The following ASTN1 variants were observed in gnomAD, a reference collection of about 807,000 sequenced individuals.
ASTN1 encodes the protein astrotactin 1, also known as astrotactin-1.
A neutral mutation model predicts 140.7 loss-of-function variants in ASTN1; 41 were observed. The ratio of observed to expected loss-of-function variants is 0.29; its 90% CI spans 0.23 to 0.38. The LOEUF is 0.38. Among genes scored for constraint, ASTN1 ranks in the 10% least tolerant of loss-of-function variants. ASTN1 has a pLI of 1.00. For synonymous variants in ASTN1, 640 were observed against 652.2 expected (o/e 0.98, Z 0.29); for missense variants, 1,479 against 1,678.8 (o/e 0.88, Z 2.08).
chr1:177,075,605 TTTTCTTTC>T lies in ASTN1; in HGVS notation c.284-14348_284-14341del, dbSNP rs202178811. Among the ~76,000 whole-genome samples the T allele has an allele frequency of 6.3e-4, 95 of 151,344 alleles. No homozygotes were observed. The South Asian group carries it at 0.011, about 18-fold the overall frequency. ...TGCTTTTCTTTTTCTGAGCAACATT[TTTTCTTTC>T]TTTCTTTCTTTCTTTTCTTTTCTTT... On this transcript the variant is annotated intron_variant, in intron 1 of 22. Coordinates refer to ENST00000361833, the MANE Select transcript of ASTN1 (RefSeq NM_004319.3).
chr1:176,905,758 C>G lies in ASTN1; in HGVS notation c.2672-10928G>C, dbSNP rs143729631. Among the ~76,000 whole-genome samples the G allele has an allele frequency of 9.9e-5, 15 of 152,254 alleles. No individual in the cohort carries two copies. The East Asian group carries it at 2.7e-3, about 27-fold the overall frequency. On this transcript the variant is annotated intron_variant, in intron 16 of 22. Transcript: ENST00000361833. The stretch of plus-strand genomic sequence containing the variant: ...AGTGGATCAGGCTCTTTTCACCTCT[C>G]GGTGACCTGTGCCCTCTGTTTTAAA...
chr1:177,098,007 C>T (rs74668832), intron 1 of ASTN1, among the ~76,000 whole-genome samples: 4,570 of 152,154 alleles, frequency 0.03, 114 homozygotes, highest in East Asian at 0.1. Flanking sequence ...CTGAGTTGTA[C>T]CCACAATAAT....
At chr1:176,936,614 C>G (rs1671459682) in intron 14 of ASTN1, among the ~76,000 whole-genome samples, 1 of 152,180 alleles carries the variant, frequency 6.6e-6, no homozygotes, top group Non-Finnish European at 1.5e-5. Context: ...CCTCATGGGA[C>G]AGTTGTTATT....
chr1:177,029,805 T>C, intron 4 of ASTN1, 64 bp from the exon 5 acceptor site: 1 of 1,448,584 alleles, frequency 6.9e-7, no homozygotes. Flanking sequence ...ACCAAACCTT[T>C]GGGCAAGTTC....
At chr1:177,090,110 C>T (rs1679675060) in intron 1 of ASTN1, among the ~76,000 whole-genome samples, 1 of 151,932 alleles carries the variant, frequency 6.6e-6, no homozygotes, top group Non-Finnish European at 1.5e-5. Context: ...TAGAAAGGTA[C>T]AATTTATATA....
intron 15 of ASTN1, among the ~76,000 whole-genome samples, chr1:176,935,386 T>C (rs985246780): frequency 1.3e-5 from 2 of 152,350 alleles, no homozygotes; most frequent in African/African-American, 4.8e-5. Flanking sequence ...TTTCCTAGAA[T>C]GAAAAGTAGC....
chr1:177,093,351 A>C (rs1291321208), intron 1 of ASTN1, among the ~76,000 whole-genome samples: 1 of 152,184 alleles, frequency 6.6e-6, no homozygotes, highest in Non-Finnish European at 1.5e-5. Flanking sequence ...TGTACGTGAT[A>C]TCCATAACGT....
intron 1 of ASTN1, among the ~76,000 whole-genome samples, chr1:177,134,348 C>T (rs1331910670): frequency 6.6e-6 from 1 of 152,236 alleles, no homozygotes; most frequent in East Asian, 1.9e-4. Context: ...GTCTAATCAG[C>T]TCTTACAGTT....
At chr1:177,149,422 T>A (rs1299292699) in intron 1 of ASTN1, among the ~76,000 whole-genome samples, 1 of 78,560 alleles carries the variant, frequency 1.3e-5, no homozygotes, top group African/African-American at 6.6e-5. Flanking sequence ...ATATATAGTA[T>A]ATATATAGTA....
At chr1:176,994,769 A>G (rs1674360094) in intron 8 of ASTN1, among the ~76,000 whole-genome samples, 1 of 152,190 alleles carries the variant, frequency 6.6e-6, no homozygotes, top group South Asian at 2.1e-4. Flanking sequence ...GTTCATATTC[A>G]TAAGGTTGTA....
At chr1:177,144,250 A>G (rs934571443) in intron 1 of ASTN1, among the ~76,000 whole-genome samples, 19 of 151,078 alleles carry the variant, frequency 1.3e-4, no homozygotes, top group Middle Eastern at 3.4e-3. Flanking sequence ...GTGGAACTCA[A>G]TGATTTTTTT....
chr1:176,935,751 CTCTCTCTCTT>C (rs1181557211), intron 15 of ASTN1, among the ~76,000 whole-genome samples: 1 of 151,890 alleles, frequency 6.6e-6, no homozygotes, highest in Non-Finnish European at 1.5e-5. Flanking sequence ...ATCTATTTCT[CTCTCTCTCTT>C]TCTCTCTCTC....
At chr1:176,879,991 G>A (rs926114137) in intron 20 of ASTN1, among the ~76,000 whole-genome samples, 4 of 152,168 alleles carry the variant, frequency 2.6e-5, no homozygotes, top group African/African-American at 9.7e-5. Flanking sequence ...TACCGTTAGC[G>A]TTATCGTTTC....
intron 5 of ASTN1, among the ~76,000 whole-genome samples, chr1:177,026,506 T>C (rs1676119324): frequency 6.6e-6 from 1 of 152,134 alleles, no homozygotes; most frequent in Non-Finnish European, 1.5e-5. Flanking sequence ...TAAATCTTTG[T>C]CTCTTTAGGG....
chr1:176,921,939 A>G (rs1000545523), intron 16 of ASTN1, among the ~76,000 whole-genome samples: 6 of 152,308 alleles, frequency 3.9e-5, no homozygotes, highest in African/African-American at 7.2e-5. Flanking sequence ...GAGAAAAAAT[A>G]TGACATTCAC....
At chr1:176,956,976 C>T (rs1164959160) in intron 11 of ASTN1, among the ~76,000 whole-genome samples, 1 of 152,172 alleles carries the variant, frequency 6.6e-6, no homozygotes, top group Non-Finnish European at 1.5e-5. Flanking sequence ...TAGCTCATTG[C>T]AGCCTTGAAC....
chr1:177,074,229 C>T (rs904313202), intron 1 of ASTN1, among the ~76,000 whole-genome samples: 3 of 152,080 alleles, frequency 2.0e-5, no homozygotes, highest in Non-Finnish European at 2.9e-5. Flanking sequence ...TCCTTTCTGC[C>T]CTCTAACACT....
At chr1:177,128,293 A>T (rs1160663117) in intron 1 of ASTN1, among the ~76,000 whole-genome samples, 1 of 152,190 alleles carries the variant, frequency 6.6e-6, no homozygotes, top group Non-Finnish European at 1.5e-5. Flanking sequence ...TTTTCTTATT[A>T]TGCATCAGAC....
chr1:177,068,823 T>TTC (rs1440631862), intron 1 of ASTN1, among the ~76,000 whole-genome samples: 9 of 144,042 alleles, frequency 6.2e-5, no homozygotes, highest in African/African-American at 2.3e-4. Flanking sequence ...TTTCTTTTCT[T>TTC]TTTTTTTTTT....
Sources: gnomAD v4.1 joint callset for allele counts (sites outside exome capture counted in the v4.1 genomes callset) on GRCh38, gnomAD v4.1.1 for gene constraint, MANE v1.5 for transcripts, NCBI Gene and HGNC (gene_info 2026-07-23, HGNC 2026-07-21) for gene names.